Variants in GRM8 observed in about 807,000 individuals in gnomAD.
GRM8 encodes the protein glutamate metabotropic receptor 8.
In GRM8, 47 loss-of-function variants were observed where a neutral mutation model predicts 87.2. The observed-to-expected ratio is 0.54, with a 90% CI of 0.43 to 0.69. The LOEUF (loss-of-function observed/expected upper bound fraction) is 0.69, where lower values mean the gene tolerates loss of function less well. Among genes scored for constraint, GRM8 ranks in the 30% least tolerant of loss-of-function variants. The probability of loss-of-function intolerance (pLI) is 0.00; values close to 1 mark genes in which losing one functional copy is unlikely to be tolerated. For missense variants in GRM8, 1,019 were observed against 1,139.2 expected (o/e 0.89, Z 1.52); for synonymous variants, 396 against 404.5 (o/e 0.98, Z 0.25).
chr7:127,026,332 A>G (rs929834741), intron 3 of GRM8, among the ~76,000 whole-genome samples: 2 of 152,196 alleles, frequency 1.3e-5, no homozygotes, highest in Non-Finnish European at 1.5e-5. Context: ...TCTTTATAGT[A>G]GAATGATTTA....
chr7:127,214,720 T>TA (rs2116658599), intron 2 of GRM8, among the ~76,000 whole-genome samples: 1 of 152,226 alleles, frequency 6.6e-6, no homozygotes, highest in Admixed American at 6.5e-5. Context: ...AATTACCTCC[T>TA]ACCAGGTCCC....
At position 127,052,498 on chromosome 7, in the gene GRM8, GAATAAA is replaced by G. The variant is rs554702378; in HGVS notation, c.727+53992_727+53997del. On this transcript the variant is annotated intron_variant, in intron 3 of 10. Transcript: ENST00000339582. ...TTGAAGATATATTTTAAGACAAAGA[GAATAAA>G]AATAAAACCAGAAAAGTTTGGTACA... Among the ~76,000 whole-genome samples, 54 of 152,208 alleles carry G rather than the reference GAATAAA, an allele frequency of 3.5e-4. 1 individual carries two copies. The East Asian group carries it at 8.9e-3, about 25-fold the overall frequency.
intron 3 of GRM8, among the ~76,000 whole-genome samples, chr7:126,992,744 C>T (rs1467749963): frequency 6.7e-6 from 1 of 150,136 alleles, no homozygotes; most frequent in Admixed American, 6.7e-5. Context: ...TGAGGATGGG[C>T]CCTCATAATT....
intron 7 of GRM8, among the ~76,000 whole-genome samples, chr7:126,651,355 A>C (rs889513977): frequency 6.6e-6 from 1 of 152,216 alleles, no homozygotes; most frequent in Non-Finnish European, 1.5e-5. Flanking sequence ...TAAAATGCCA[A>C]CTAGGTGACA....
At chr7:127,169,440 G>A (rs1398336482) in intron 2 of GRM8, among the ~76,000 whole-genome samples, 1 of 152,200 alleles carries the variant, frequency 6.6e-6, no homozygotes, top group Non-Finnish European at 1.5e-5. Flanking sequence ...GAGGTTTAAG[G>A]AAAGAAACTA....
chr7:126,683,977 T>C (rs1182828055), intron 7 of GRM8, among the ~76,000 whole-genome samples: 3 of 152,192 alleles, frequency 2.0e-5, no homozygotes, highest in African/African-American at 7.2e-5. Context: ...GTAACCTCCA[T>C]GAAAGAGGGA....
chr7:126,465,134 G>A (rs983250274), intron 9 of GRM8: 15 of 151,502 alleles, frequency 9.9e-5, no homozygotes, highest in South Asian at 4.2e-4. Context: ...CATATATGAC[G>A]GGGTCTGTTT....
chr7:126,739,874 T>C (rs1175223538), intron 7 of GRM8, among the ~76,000 whole-genome samples: 1 of 152,044 alleles, frequency 6.6e-6, no homozygotes, highest in Non-Finnish European at 1.5e-5. Context: ...TTGCCTACAG[T>C]GTTCAGTACA....
chr7:127,177,277 C>A (rs988142472), intron 2 of GRM8, among the ~76,000 whole-genome samples: 2 of 152,166 alleles, frequency 1.3e-5, no homozygotes, highest in African/African-American at 4.8e-5. Flanking sequence ...CAGCCATAAT[C>A]CTCCTAGGTA....
chr7:127,042,197 G>A (rs1818489378), intron 3 of GRM8, among the ~76,000 whole-genome samples: 1 of 152,170 alleles, frequency 6.6e-6, no homozygotes, highest in Admixed American at 6.5e-5. Context: ...TCTGCCAGGG[G>A]AATACTTTAG....
At position 126,749,370 on chromosome 7, in the gene GRM8, GA is replaced by G. The variant is rs370817590; in HGVS notation, c.1357+20494del. Among the ~76,000 whole-genome samples the G allele has an allele frequency of 4.6e-3, 686 of 150,536 alleles. 25 individuals are homozygous for G. In the East Asian group the frequency reaches 0.085, roughly 19 times the overall value. ...CTATAAAACTTCGAGAAGAAACAAT[GA>G]AAAAAAAATTCATAAGCTTGAGTTA... On this transcript the variant is annotated intron_variant, in intron 7 of 10. Transcript: ENST00000339582.
chr7:126,831,591 G>A (rs1452127983), intron 6 of GRM8, among the ~76,000 whole-genome samples: 5 of 152,180 alleles, frequency 3.3e-5, no homozygotes, highest in Admixed American at 1.3e-4. Context: ...CAGTTTTCCA[G>A]GTGCCGTCTG....
intron 3 of GRM8, among the ~76,000 whole-genome samples, chr7:127,101,371 T>G (rs1038541994): frequency 5.3e-5 from 8 of 152,186 alleles, no homozygotes; most frequent in African/African-American, 1.7e-4. Flanking sequence ...TGAGTATTTG[T>G]CCCTGCCAAA....
At chr7:126,565,897 A>T (rs767929943) in intron 8 of GRM8, among the ~76,000 whole-genome samples, 10 of 152,148 alleles carry the variant, frequency 6.6e-5, no homozygotes, top group Non-Finnish European at 1.3e-4. Context: ...ATTTGGTCAA[A>T]TGATCTTCAG....
At chr7:127,191,340 C>T (rs1420940534) in intron 2 of GRM8, among the ~76,000 whole-genome samples, 2 of 152,158 alleles carry the variant, frequency 1.3e-5, no homozygotes, top group South Asian at 2.1e-4. Context: ...TAACTACCTA[C>T]ATTGTTTTTA....
chr7:126,716,460 A>T (rs1811754290), intron 7 of GRM8, among the ~76,000 whole-genome samples: 1 of 152,016 alleles, frequency 6.6e-6, no homozygotes, highest in African/African-American at 2.4e-5. Flanking sequence ...TTTCTATAAC[A>T]CCCTTTGCTC....
At chr7:126,677,220 A>G (rs558445596) in intron 7 of GRM8, among the ~76,000 whole-genome samples, 1 of 152,198 alleles carries the variant, frequency 6.6e-6, no homozygotes, top group Non-Finnish European at 1.5e-5. Context: ...GCACAGATGT[A>G]GTGAAAGGGA....
intron 6 of GRM8, among the ~76,000 whole-genome samples, chr7:126,880,264 T>G (rs1799903591): frequency 6.6e-6 from 1 of 152,162 alleles, no homozygotes. Context: ...GAGGAATACA[T>G]GATTACAAAA....
chr7:126,659,984 T>G (rs181832206), intron 7 of GRM8, among the ~76,000 whole-genome samples: 1 of 152,310 alleles, frequency 6.6e-6, no homozygotes, highest in Admixed American at 6.5e-5. Flanking sequence ...ACATTTAAAA[T>G]ATCATTGATT....
Sources: gnomAD v4.1 joint callset for allele counts (sites outside exome capture counted in the v4.1 genomes callset) on GRCh38, gnomAD v4.1.1 for gene constraint, MANE v1.5 for transcripts, NCBI Gene and HGNC (gene_info 2026-07-23, HGNC 2026-07-21) for gene names.